The following ADIPOQ variants were observed in gnomAD, a reference collection of about 807,000 sequenced individuals.
ADIPOQ encodes the protein adiponectin, C1Q and collagen domain containing.
A neutral mutation model predicts 16.1 loss-of-function variants in ADIPOQ; 19 were observed. The ratio of observed to expected loss-of-function variants is 1.18; its 90% CI spans 0.82 to 1.73. The LOEUF is 1.73. ADIPOQ is among the 40% of genes most tolerant of loss of function. The probability of loss-of-function intolerance (pLI) is 0.00; values close to 1 mark genes in which losing one functional copy is unlikely to be tolerated. For synonymous variants in ADIPOQ, 124 were observed against 125.5 expected (o/e 0.99, Z 0.08); for missense variants, 323 against 308.3 (o/e 1.05, Z -0.36).
chr3:186,844,835 A>G (rs914707918), intron 1 of ADIPOQ, among the ~76,000 whole-genome samples: 7 of 152,048 alleles, frequency 4.6e-5, no homozygotes, highest in African/African-American at 1.2e-4. Context: ...TGCTCTTTTT[A>G]AGGTGGCTGT....
intron 2 of ADIPOQ, 21 bp downstream of exon 2, chr3:186,853,293 T>C (rs1170465197): frequency 6.4e-7 from 1 of 1,566,628 alleles, no homozygotes; most frequent in Non-Finnish European, 8.7e-7. Flanking sequence ...TTCTGGCCTC[T>C]TTCATCACAG....
intron 1 of ADIPOQ, among the ~76,000 whole-genome samples, chr3:186,846,690 T>G (rs376567710): frequency 1.1e-4 from 17 of 152,266 alleles, no homozygotes; most frequent in African/African-American, 4.1e-4. Flanking sequence ...TTCCAGTAGG[T>G]CAAAGTGAAA....
rs201510126 is a variant in ADIPOQ, at chr3:186,853,032, G to C, written c.-8-19G>C. 1.2e-6 allele frequency: 2 copies of C among 1,613,680 alleles called. No homozygotes were observed. The highest frequency in any genetic ancestry group is 1.7e-6 in the Non-Finnish European group (2 of 1,179,722). ...GGGGTCTGTCTCTCCATGGCTGACAGTGCACATGTGGATTCCAGGGCTCAG... is the reference window on the plus strand; with the variant it reads ...GGGGTCTGTCTCTCCATGGCTGACACTGCACATGTGGATTCCAGGGCTCAG... On this transcript the variant is annotated intron_variant, in intron 1 of 2. Coordinates refer to ENST00000320741, the MANE Select transcript of ADIPOQ (RefSeq NM_004797.4).
intron 2 of ADIPOQ, 80 bp from the exon 3 acceptor site, chr3:186,854,104 C>G: frequency 1.3e-6 from 2 of 1,487,638 alleles, no homozygotes; most frequent in Non-Finnish European, 1.8e-6. Flanking sequence ...GTGGGAGCCA[C>G]AGGGATGGTA....
intron 1 of ADIPOQ, among the ~76,000 whole-genome samples, chr3:186,847,317 G>A (rs1711604072): frequency 6.6e-6 from 1 of 152,174 alleles, no homozygotes; most frequent in African/African-American, 2.4e-5. Flanking sequence ...TGAGAAAAGG[G>A]TTTTATAAAT....
At chr3:186,843,543 C>A (rs1711506170) in intron 1 of ADIPOQ, among the ~76,000 whole-genome samples, 2 of 151,802 alleles carry the variant, frequency 1.3e-5, no homozygotes, top group Non-Finnish European at 2.9e-5. Context: ...GCCTGTAATC[C>A]CAGCTTCTCG....
chr3:186,853,162 C>A lies in ADIPOQ; in HGVS notation c.104C>A (p.Ala35Asp). 6.2e-7 allele frequency: 1 copy of A among 1,614,176 alleles called. No homozygotes were observed. Residue 35 changes from alanine (A) to aspartate (D), a missense_variant, in exon 2 of 3, where the codon GCC becomes GAC. Coordinates refer to ENST00000320741, the MANE Select transcript of ADIPOQ (RefSeq NM_004797.4). ...PGVLLPLPKG[A>D]CTGWMAGIPG... ...GTCCTGCTTCCCCTGCCCAAGGGGGCCTGCACAGGTTGGATGGCGGGCATC... is the reference window on the plus strand; with the variant it reads ...GTCCTGCTTCCCCTGCCCAAGGGGGACTGCACAGGTTGGATGGCGGGCATC...
In ADIPOQ at chr3:186,854,222, G is replaced by T. The variant is rs376862518; in HGVS notation, c.253G>T (p.Val85Leu). Reference protein sequence around the residue: ...GPKGDIGETGVPGAEGPRGFP... With the variant: ...GPKGDIGETGLPGAEGPRGFP... ...TAAGGGAGACATCGGTGAAACCGGA[G>T]TACCCGGGGCTGAAGGTCCCCGAGG... Residue 85 changes from valine to leucine, a missense_variant, in exon 3 of 3, where the codon GTA (valine) becomes TTA (leucine). Transcript: ENST00000320741. The T allele has an allele frequency of 1.5e-5, 24 of 1,613,448 alleles. No individual in the cohort carries two copies. Among genetic ancestry groups the T allele is most frequent in the Non-Finnish European group, 1.9e-5 (23 of 1,179,632 alleles).
intron 1 of ADIPOQ, among the ~76,000 whole-genome samples, chr3:186,844,495 A>G (rs822388): frequency 0.4 from 56,505 of 142,518 alleles, 11,908 homozygotes; most frequent in African/African-American, 0.54. Flanking sequence ...TGGGCAAAAA[A>G]AGCAAAACTC....
At position 186,854,991 on chromosome 3, in the gene ADIPOQ, A is replaced by G. The variant is rs201995003; in HGVS notation, c.*287A>G. On this transcript the variant is annotated 3_prime_UTR_variant, in exon 3 of 3. Transcript: ENST00000320741. ...CTCTCCTGATGCTCATATCAATCCTATAAGGCACAGGGAACAAGCATTCTC... is the reference window on the plus strand; with the variant it reads ...CTCTCCTGATGCTCATATCAATCCTGTAAGGCACAGGGAACAAGCATTCTC... 4.4e-5 allele frequency: 20 copies of G among 459,348 alleles called. No individual in the cohort carries two copies. The highest frequency in any genetic ancestry group is 7.2e-5 in the Non-Finnish European group (18 of 250,934). 28.5% of individuals were successfully genotyped at this position (459,348 alleles called of 1,614,324 possible).
At chr3:186,849,496 T>C (rs1241443361) in intron 1 of ADIPOQ, among the ~76,000 whole-genome samples, 1 of 151,864 alleles carries the variant, frequency 6.6e-6, no homozygotes, top group East Asian at 1.9e-4. Context: ...AAGCTGTTTC[T>C]CATTTTATTT....
rs1321634998 is a variant in ADIPOQ at position 186,855,279 on chromosome 3, T to G, written c.*575T>G. On this transcript the variant is annotated 3_prime_UTR_variant, in exon 3 of 3. Transcript: ENST00000320741. ...TTCCTCAGAGAAAGTGGTTCTATGA[T>G]GACGTCCTGTCTTGGAAGGACTACT... is the stretch of plus-strand genomic sequence containing the variant. The G allele has an allele frequency of 5.9e-6, 1 of 169,532 alleles. No homozygotes were observed. The highest frequency in any genetic ancestry group is 5.5e-5 in the Admixed American group (1 of 18,056). 10.5% of individuals were successfully genotyped at this position (169,532 alleles called of 1,614,324 possible).
intron 2 of ADIPOQ, chr3:186,853,685 G>C (rs903588879): frequency 4.1e-6 from 1 of 243,018 alleles, no homozygotes. Context: ...GCAAGGCTCT[G>C]TTGGTGGTTA....
intron 1 of ADIPOQ, among the ~76,000 whole-genome samples, chr3:186,850,219 G>A (rs1424820005): frequency 7.0e-6 from 1 of 142,142 alleles, no homozygotes. Flanking sequence ...GTAGTGAGCC[G>A]AGATTGTGCC....
Position 186,854,657 on chromosome 3 carries a change from A to G in ADIPOQ, c.688A>G (p.Asn230Asp). 2 of 1,614,132 alleles carry G rather than the reference A, an allele frequency of 1.2e-6. No homozygotes were observed. Among genetic ancestry groups the G allele is most frequent in the Non-Finnish European group, 1.7e-6 (2 of 1,180,036 alleles). ...TAATGGACTCTATGCTGATAATGAC[A>G]ATGACTCCACCTTCACAGGCTTTCT... is the stretch of plus-strand genomic sequence containing the variant. Reference protein sequence around the residue: ...ERNGLYADNDNDSTFTGFLLY... With the variant: ...ERNGLYADNDDDSTFTGFLLY... The change falls in exon 3 of 3, where the codon AAT becomes GAT. Residue 230 changes from asparagine (N) to aspartate (D), a missense_variant. Physicochemically the swap from Asn to Asp is conservative, Grantham distance 23 (BLOSUM62 1). Coordinates refer to ENST00000320741, the MANE Select transcript of ADIPOQ (RefSeq NM_004797.4).
intron 1 of ADIPOQ, among the ~76,000 whole-genome samples, chr3:186,848,791 A>T (rs1203619994): frequency 2.6e-5 from 4 of 152,160 alleles, no homozygotes; most frequent in East Asian, 1.9e-4. Flanking sequence ...AATTTTGAAA[A>T]TTTTTTTGAA....
At position 186,852,007 on chromosome 3, in the gene ADIPOQ, A is replaced by G. The variant is rs142833459; in HGVS notation, c.-8-1044A>G. The G allele has an allele frequency of 1.3e-4, 21 of 165,486 alleles. No homozygotes were observed. In the East Asian group the frequency reaches 3.5e-3, roughly 28 times the overall value. The allele number at this position is 165,486 out of a possible 1,614,324, so 10.3% of individuals were successfully genotyped here. On this transcript the variant is annotated intron_variant, in intron 1 of 2. Coordinates refer to ENST00000320741, the MANE Select transcript of ADIPOQ (RefSeq NM_004797.4). ...GAAAGAGCGAAGGGGAAGCAAGCAC[A>G]TCACACAGCAGCAGGAGAGAGAGAG...
At chr3:186,853,424 C>T (rs2108491579) in intron 2 of ADIPOQ, 152 bp downstream of exon 2, 2 of 993,040 alleles carry the variant, frequency 2.0e-6, no homozygotes, top group South Asian at 1.5e-5. Context: ...TGGGGTTGGT[C>T]TTCCAAGGAT....
chr3:186,853,152 C>A lies in ADIPOQ; in HGVS notation c.94C>A (p.Pro32Thr). The A allele has an allele frequency of 6.2e-7, 1 of 1,614,194 alleles. No individual in the cohort carries two copies. The highest frequency in any genetic ancestry group is 8.5e-7 in the Non-Finnish European group (1 of 1,180,010). ...AGGGCCCGGAGTCCTGCTTCCCCTG[C>A]CCAAGGGGGCCTGCACAGGTTGGAT... is the stretch of plus-strand genomic sequence containing the variant. ...TQGPGVLLPL[P>T]KGACTGWMAG... The change falls in exon 2 of 3, where the codon CCC becomes ACC. Residue 32 changes from proline to threonine, a missense_variant. Physicochemically the swap from Pro to Thr is conservative, Grantham distance 38 (BLOSUM62 -1). Transcript: ENST00000320741.
Sources: gnomAD v4.1 joint callset for allele counts (sites outside exome capture counted in the v4.1 genomes callset) on GRCh38, gnomAD v4.1.1 for gene constraint, MANE v1.5 for transcripts, NCBI Gene and HGNC (gene_info 2026-07-23, HGNC 2026-07-21) for gene names.